Variants in TENM2 observed in about 807,000 individuals in gnomAD.
TENM2 encodes teneurin-2.
Under a neutral mutation model 245.2 loss-of-function variants are expected in TENM2, and 52 were observed. The ratio of observed to expected loss-of-function variants is 0.21; its 90% confidence interval spans 0.17 to 0.27. The LOEUF (loss-of-function observed/expected upper bound fraction) is 0.27, where lower values mean the gene tolerates loss of function less well. TENM2 is among the 10% of genes least tolerant of loss of function. The pLI is 1.00. For missense variants in TENM2, 3,046 were observed against 3,666.8 expected, an observed-to-expected ratio of 0.83 and a Z score of 4.37; for synonymous variants, 1,363 against 1,438.9, an observed-to-expected ratio of 0.95 and a Z score of 1.19.
At chr5:168,231,419 G>A (rs529273636) in intron 25 of TENM2, among the ~76,000 whole-genome samples, 4 of 152,344 alleles carry the variant, frequency 2.6e-5, no homozygotes, top group Admixed American at 2.6e-4. Flanking sequence ...AAAAGGGAAT[G>A]GCATTTCAGA....
chr5:167,009,942 G>T, the TENM2 span, among the ~76,000 whole-genome samples: 12 of 152,138 alleles, frequency 7.9e-5, no homozygotes, highest in African/African-American at 2.4e-5. Context: ...TAGTATTAAA[G>T]ATATCACTGG....
intron 5 of TENM2, among the ~76,000 whole-genome samples, chr5:168,039,762 T>C (rs1475265995): frequency 6.6e-6 from 1 of 151,998 alleles, no homozygotes; most frequent in East Asian, 1.9e-4. Context: ...GTCTTTCTTA[T>C]GTATTGATCT....
At chr5:167,010,455 A>C in the TENM2 span, among the ~76,000 whole-genome samples, 1 of 152,202 alleles carries the variant, frequency 6.6e-6, no homozygotes, top group African/African-American at 2.4e-5. Context: ...GATACTGTCC[A>C]TTTGGCATTT....
intron 2 of TENM2, among the ~76,000 whole-genome samples, chr5:167,652,167 C>T (rs1459642820): frequency 6.6e-6 from 1 of 152,180 alleles, no homozygotes; most frequent in African/African-American, 2.4e-5. Context: ...AGCGAGGAAT[C>T]ATGGATTATG....
intron 2 of TENM2, among the ~76,000 whole-genome samples, chr5:167,574,587 G>T (rs1774515720): frequency 6.6e-6 from 1 of 152,182 alleles, no homozygotes; most frequent in South Asian, 2.1e-4. Context: ...TAGAGATTAA[G>T]TGTTGTCCCA....
chr5:167,467,353 G>A (rs1249686092), intron 2 of TENM2, among the ~76,000 whole-genome samples: 1 of 152,010 alleles, frequency 6.6e-6, no homozygotes, highest in Non-Finnish European at 1.5e-5. Flanking sequence ...CTCCCCAGTC[G>A]TGTGGAACTG....
At chr5:168,130,296 C>G (rs1282733005) in intron 12 of TENM2, 4 of 152,138 alleles carry the variant, frequency 2.6e-5, no homozygotes, top group Non-Finnish European at 5.9e-5. Flanking sequence ...TTAGAGCTAA[C>G]TTATTGACAG....
chr5:168,214,957 C>A, intron 20 of TENM2, 83 bp from the exon 23 acceptor site: 1 of 1,137,758 alleles, frequency 8.8e-7, no homozygotes. Flanking sequence ...AAGCGTCTTG[C>A]TAGGATTTTT....
chr5:167,449,071 CA>C (rs1481106607), intron 2 of TENM2, among the ~76,000 whole-genome samples: 1 of 151,586 alleles, frequency 6.6e-6, no homozygotes, highest in Non-Finnish European at 1.5e-5. Flanking sequence ...AATTGGTATG[CA>C]AAAATAGAAA....
At chr5:167,685,631 A>G (rs1757024992) in intron 2 of TENM2, among the ~76,000 whole-genome samples, 1 of 152,196 alleles carries the variant, frequency 6.6e-6, no homozygotes, top group Non-Finnish European at 1.5e-5. Flanking sequence ...CAATGTGTGT[A>G]GAAGTGCAAA....
chr5:167,966,832 G>A lies in TENM2; in HGVS notation c.947+14010G>A, dbSNP rs147380554. ...TTTAAAGGTAGGATTCATTCTGGGT[G>A]AACCAAATGCATCGAAGCACTTTCA... On this transcript the variant is annotated intron_variant, in intron 4 of 28. Transcript: ENST00000518659. 4.8e-4 allele frequency among the ~76,000 whole-genome samples: 73 copies of A among 152,270 alleles called. No individual in the cohort carries two copies. In the East Asian group the frequency reaches 7.0e-3, roughly 15 times the overall value.
intron 2 of TENM2, among the ~76,000 whole-genome samples, chr5:167,634,204 G>A (rs888749164): frequency 4.6e-5 from 7 of 152,140 alleles, no homozygotes; most frequent in African/African-American, 1.4e-4. Context: ...GTTTTGTAAT[G>A]ACTGTTTGGC....
intron 1 of TENM2, among the ~76,000 whole-genome samples, chr5:167,298,469 G>A (rs544329358): frequency 6.6e-6 from 1 of 152,284 alleles, no homozygotes; most frequent in East Asian, 1.9e-4. Flanking sequence ...CGGGCGAGGT[G>A]GCGGGCGCCT....
At chr5:167,233,661 T>G in the TENM2 span, among the ~76,000 whole-genome samples, 1 of 152,190 alleles carries the variant, frequency 6.6e-6, no homozygotes, top group Non-Finnish European at 1.5e-5. Flanking sequence ...TGTATTCACT[T>G]AATATGATAA....
chr5:167,609,847 C>A (rs551327520), intron 2 of TENM2, among the ~76,000 whole-genome samples: 1 of 152,168 alleles, frequency 6.6e-6, no homozygotes, highest in East Asian at 1.9e-4. Flanking sequence ...TCCCTACCAG[C>A]AACCAATCAA....
intron 2 of TENM2, among the ~76,000 whole-genome samples, chr5:167,456,145 A>G (rs1174535490): frequency 6.6e-6 from 1 of 152,166 alleles, no homozygotes; most frequent in Non-Finnish European, 1.5e-5. Context: ...TAATGACTCT[A>G]AAAAATCTCA....
chr5:168,228,205 T>TG (rs201069167), intron 25 of TENM2, 75 bp downstream of exon 27: 12,980 of 1,250,212 alleles, frequency 0.01, 187 homozygotes, highest in Non-Finnish European at 0.012. Flanking sequence ...TGAGAAAGTT[T>TG]CTCTGTTACC....
intron 1 of TENM2, among the ~76,000 whole-genome samples, chr5:167,302,697 C>G (rs1374064411): frequency 6.6e-6 from 1 of 150,892 alleles, no homozygotes; most frequent in East Asian, 2.0e-4. Flanking sequence ...GTACTTGCCA[C>G]TAAGGGTGAA....
chr5:167,431,140 T>C (rs1764195357), intron 2 of TENM2, among the ~76,000 whole-genome samples: 1 of 152,200 alleles, frequency 6.6e-6, no homozygotes, highest in African/African-American at 2.4e-5. Flanking sequence ...ATAATATTAC[T>C]ATGAAATTTT....
Sources: gnomAD v4.1 joint callset for allele counts (sites outside exome capture counted in the v4.1 genomes callset) on GRCh38, gnomAD v4.1.1 for gene constraint, MANE v1.5 for transcripts, NCBI Gene and HGNC (gene_info 2026-07-23, HGNC 2026-07-21) for gene names.